Variants in LRP1B observed in about 807,000 individuals in gnomAD.
LRP1B encodes the protein LDL receptor related protein 1B, also known as low-density lipoprotein receptor-related protein 1B.
Under a neutral mutation model 556.6 loss-of-function variants are expected in LRP1B, and 217 were observed. The observed-to-expected ratio is 0.39, with a 90% CI of 0.35 to 0.44. The LOEUF (loss-of-function observed/expected upper bound fraction) is 0.44. Among genes scored for constraint, LRP1B ranks in the 20% least tolerant of loss-of-function variants. The probability of loss-of-function intolerance (pLI) is 1.00; values close to 1 mark genes in which losing one functional copy is unlikely to be tolerated. For synonymous variants in LRP1B, 2,047 were observed against 1,865.8 expected (o/e 1.10, Z -2.50); for missense variants, 5,053 against 5,620.8 (o/e 0.90, Z 3.23).
rs559874892 is a variant in LRP1B at position 140,537,401 on chromosome 2, G to A, written c.7514-692C>T. On this transcript the variant is annotated intron_variant, in intron 45 of 90. Transcript: ENST00000389484. ...TTGATGTGAATCATCTCAGTCAAAT[G>A]AACAATCCGGACTTTTCCCCACCGT... is the stretch of plus-strand genomic sequence containing the variant. Among the ~76,000 whole-genome samples the A allele has an allele frequency of 7.2e-5, 11 of 151,898 alleles. 1 individual carries two copies. The South Asian group carries it at 1.5e-3, about 20-fold the overall frequency.
rs1363384841 is a variant in LRP1B, at chr2:140,237,720, A to G, written c.13560+432T>C. 2.0e-5 allele frequency among the ~76,000 whole-genome samples: 3 copies of G among 150,650 alleles called. 1 individual carries two copies. The highest frequency in any genetic ancestry group is 7.3e-5 in the African/African-American group (3 of 41,216). On this transcript the variant is annotated intron_variant, in intron 89 of 90. Coordinates refer to ENST00000389484, the MANE Select transcript of LRP1B (RefSeq NM_018557.3). ...GTCTTCTCCTTGCATATATTTCAAC[A>G]TTGAAAGTCAGTAGCTTTACTTTAT...
chr2:140,233,148 TTTTATACA>T lies in LRP1B; in HGVS notation c.*30_*37del, dbSNP rs2104870260. On this transcript the variant is annotated 3_prime_UTR_variant, in exon 91 of 91. Transcript: ENST00000389484. Reference sequence around the variant, plus strand: ...GGAACATACAAAAGTAATCCTTATATTTTATACATTTATACAGCATATAAAAGATATCA... The same window carrying T: ...GGAACATACAAAAGTAATCCTTATATTTTATACAGCATATAAAAGATATCA... 1 of 1,365,174 alleles carries T rather than the reference TTTTATACA, an allele frequency of 7.3e-7. No individual in the cohort carries two copies. The highest frequency in any genetic ancestry group is 1.0e-6 in the Non-Finnish European group (1 of 991,996). The allele number at this position is 1,365,174 out of a possible 1,614,324, so 84.6% of individuals were successfully genotyped here.
chr2:142,128,083 TATAAACTA>T (rs1249009567), intron 1 of LRP1B, among the ~76,000 whole-genome samples: 1 of 152,062 alleles, frequency 6.6e-6, no homozygotes, highest in East Asian at 1.9e-4. Flanking sequence ...ATAGAATCAA[TATAAACTA>T]ATAAAATAAA....
At chr2:140,876,430 CA>C (rs1361712831) in intron 25 of LRP1B, among the ~76,000 whole-genome samples, 1 of 152,104 alleles carries the variant, frequency 6.6e-6, no homozygotes. Context: ...AATTTGTTTT[CA>C]TTTGTAATAG....
intron 27 of LRP1B, among the ~76,000 whole-genome samples, chr2:140,856,546 G>A (rs925647293): frequency 6.6e-6 from 1 of 152,100 alleles, no homozygotes; most frequent in African/African-American, 2.4e-5. Context: ...CAGGCTTTAT[G>A]TTCTCCATAG....
chr2:142,115,715 G>A (rs377429510), intron 1 of LRP1B, among the ~76,000 whole-genome samples: 1,177 of 11,164 alleles, frequency 0.11, 502 homozygotes, highest in South Asian at 0.32. Context: ...TAATATATAT[G>A]TAATATATAT....
At chr2:140,471,986 A>T (rs1388787548) in intron 60 of LRP1B, among the ~76,000 whole-genome samples, 2 of 152,170 alleles carry the variant, frequency 1.3e-5, no homozygotes, top group African/African-American at 4.8e-5. Flanking sequence ...GGGAGCTTTT[A>T]CTAAATCTCT....
intron 1 of LRP1B, among the ~76,000 whole-genome samples, chr2:142,018,466 T>A (rs1212208362): frequency 6.6e-6 from 1 of 152,144 alleles, no homozygotes; most frequent in African/African-American, 2.4e-5. Context: ...AGAAAAGAGT[T>A]TATTTTACTA....
chr2:141,737,726 A>T (rs1030195423), intron 2 of LRP1B, among the ~76,000 whole-genome samples: 19 of 152,126 alleles, frequency 1.2e-4, no homozygotes, highest in African/African-American at 4.3e-4. Flanking sequence ...CTTGTAAATC[A>T]TGTTAGGTAG....
At chr2:140,973,749 T>G (rs758427533) in intron 18 of LRP1B, among the ~76,000 whole-genome samples, 1 of 152,108 alleles carries the variant, frequency 6.6e-6, no homozygotes, top group Non-Finnish European at 1.5e-5. Flanking sequence ...ATTTTAAAAC[T>G]TGTGATAAAA....
At chr2:140,464,194 C>CAAA (rs898786277) in intron 60 of LRP1B, among the ~76,000 whole-genome samples, 63 of 150,792 alleles carry the variant, frequency 4.2e-4, no homozygotes, top group African/African-American at 1.5e-3. Context: ...AGACTTGTCT[C>CAAA]AAATAATAAT....
intron 1 of LRP1B, among the ~76,000 whole-genome samples, chr2:142,107,845 C>T (rs1315639812): frequency 7.0e-6 from 1 of 142,926 alleles, no homozygotes; most frequent in South Asian, 2.2e-4. Context: ...AGGGTTTCAC[C>T]GTGTTGGCTT....
At chr2:140,602,617 TAGGTATCTGA>T (rs1460993464) in intron 41 of LRP1B, among the ~76,000 whole-genome samples, 1 of 151,984 alleles carries the variant, frequency 6.6e-6, no homozygotes, top group Non-Finnish European at 1.5e-5. Flanking sequence ...GCTATAAAAA[TAGGTATCTGA>T]AAAGAGCTGT....
At chr2:141,282,363 T>C (rs1318105481) in intron 3 of LRP1B, among the ~76,000 whole-genome samples, 1 of 151,806 alleles carries the variant, frequency 6.6e-6, no homozygotes, top group Admixed American at 6.6e-5. Flanking sequence ...AGAGCAGAAA[T>C]AGGACTGATG....
At chr2:140,868,043 T>C (rs2105155526) in intron 26 of LRP1B, 56 bp downstream of exon 26, 4 of 1,516,174 alleles carry the variant, frequency 2.6e-6, no homozygotes, top group East Asian at 2.3e-5. Context: ...CTTTCCAATG[T>C]TGTAAATATT....
chr2:140,735,412 C>T (rs1235042727), intron 35 of LRP1B, among the ~76,000 whole-genome samples: 1 of 152,118 alleles, frequency 6.6e-6, no homozygotes, highest in African/African-American at 2.4e-5. Context: ...TGGTAGATTA[C>T]AAAGAGGCTC....
At chr2:141,001,096 A>C (rs983302735) in intron 15 of LRP1B, among the ~76,000 whole-genome samples, 2 of 152,092 alleles carry the variant, frequency 1.3e-5, no homozygotes, top group Non-Finnish European at 2.9e-5. Flanking sequence ...ATGTTAGTAC[A>C]TGATGAATGC....
chr2:140,292,211 A>C (rs1558776604), intron 84 of LRP1B, among the ~76,000 whole-genome samples: 1 of 152,176 alleles, frequency 6.6e-6, no homozygotes, highest in Admixed American at 6.5e-5. Context: ...TGTTGTTGGC[A>C]CTTGCAAATT....
chr2:140,583,162 C>CTTTTTTTTTTTTTTTT (rs1220644581), intron 43 of LRP1B, among the ~76,000 whole-genome samples: 6 of 107,818 alleles, frequency 5.6e-5, no homozygotes, highest in African/African-American at 8.1e-5. Flanking sequence ...ACAGTTTCTC[C>CTTTTTTTTTTTTTTTT]TTTTTTTTCT....
Sources: gnomAD v4.1 joint callset for allele counts (sites outside exome capture counted in the v4.1 genomes callset) on GRCh38, gnomAD v4.1.1 for gene constraint, MANE v1.5 for transcripts, NCBI Gene and HGNC (gene_info 2026-07-23, HGNC 2026-07-21) for gene names.